Variants in OR1L6 observed in about 807,000 individuals in gnomAD.
The protein encoded by OR1L6 is olfactory receptor family 1 subfamily L member 6.
Under a neutral mutation model 3.0 loss-of-function variants are expected in OR1L6, and 2 were observed. That is an observed-to-expected ratio of 0.68 (90% CI 0.28 to 2.13). The LOEUF (loss-of-function observed/expected upper bound fraction) is 2.13. Ranked by LOEUF, OR1L6 falls within the 30% of genes most tolerant of loss-of-function variation. OR1L6 has a pLI of 0.14. For synonymous variants in OR1L6, 121 were observed against 148.4 expected (o/e 0.82, Z 1.34); for missense variants, 304 against 378.4 (o/e 0.80, Z 1.63).
chr9:122,750,213 C>G lies in OR1L6; in HGVS notation c.366C>G (p.Asp122Glu), dbSNP rs758294976. Residue 122 changes from aspartate to glutamate, a missense_variant, in exon 2 of 2, where the codon GAC (aspartate) becomes GAG (glutamate). Asp to Glu is a conservative substitution (Grantham distance 45). Transcript: ENST00000304720. ...DSYLLASMAIDRLVAICNPLH... is the reference protein window; with the variant it reads ...DSYLLASMAIERLVAICNPLH... ...ACCTGCTGGCCTCTATGGCCATCGA[C>G]CGGCTGGTGGCCATCTGCAACCCCT... 3 of 1,614,070 alleles carry G rather than the reference C, an allele frequency of 1.9e-6. No homozygotes were observed. Among genetic ancestry groups the G allele is most frequent in the Non-Finnish European group, 2.5e-6 (3 of 1,179,980 alleles).
At chr9:122,743,757 GAGA>G (rs1295205603) in intron 1 of OR1L6, among the ~76,000 whole-genome samples, 2 of 152,200 alleles carry the variant, frequency 1.3e-5, no homozygotes, top group Non-Finnish European at 1.5e-5. Flanking sequence ...GCAAGAAACA[GAGA>G]AGAACACATG....
chr9:122,749,722 C>A (rs201338501), intron 1 of OR1L6, 113 bp from the exon 2 acceptor site: 308 of 994,752 alleles, frequency 3.1e-4, no homozygotes, highest in Admixed American at 8.4e-4. Flanking sequence ...AAAAAAAAAA[C>A]AACCGTAACA....
At chr9:122,743,244 T>C (rs967054487) in intron 1 of OR1L6, among the ~76,000 whole-genome samples, 1 of 152,084 alleles carries the variant, frequency 6.6e-6, no homozygotes, top group Non-Finnish European at 1.5e-5. Flanking sequence ...AATCAGTGAT[T>C]CCCAGGAGAA....
At position 122,750,555 on chromosome 9, in the gene OR1L6, G is replaced by A. The variant is rs1217654468; in HGVS notation, c.708G>A (p.Trp236Ter). 1 of 1,611,860 alleles carries A rather than the reference G, an allele frequency of 6.2e-7. No individual in the cohort carries two copies. The highest frequency in any genetic ancestry group is 1.1e-5 in the South Asian group (1 of 90,950). The change falls in exon 2 of 2, where the codon TGG becomes TGA. Residue 236 changes from tryptophan (W) to a stop codon, truncating the protein, a stop_gained. Coordinates refer to ENST00000304720, the MANE Select transcript of OR1L6 (RefSeq NM_001004453.3). LOFTEE classifies it high-confidence loss of function. ...GAATCCCCTCTGCAGCCGGGAAGTG[G>A]AAGGCCTTCTCTACCTGTGGCTCCC... ...VLRIPSAAGKWKAFSTCGSHL... is the reference protein window; with the variant it reads ...VLRIPSAAGK
chr9:122,745,408 C>CTTTTT lies in OR1L6; in HGVS notation c.-14+3049_-14+3053dup, dbSNP rs71892392. The stretch of plus-strand genomic sequence containing the variant: ...ACGAAATGACTATAAATAAACACAC[C>CTTTTT]TTTTTTTTTTTTTTTTTTATTTGAG... On this transcript the variant is annotated intron_variant, in intron 1 of 1. Coordinates refer to ENST00000304720, the MANE Select transcript of OR1L6 (RefSeq NM_001004453.3). Among the ~76,000 whole-genome samples the CTTTTT allele has an allele frequency of 1.9e-3, 163 of 87,700 alleles. 27 individuals are homozygous for CTTTTT. Among genetic ancestry groups the CTTTTT allele is most frequent in the African/African-American group, 2.9e-3 (64 of 21,728 alleles). The allele number at this position is 87,700 out of a possible 152,430, so 57.5% of individuals were successfully genotyped here.
intron 1 of OR1L6, among the ~76,000 whole-genome samples, chr9:122,744,525 G>T (rs1425777303): frequency 6.6e-6 from 1 of 152,170 alleles, no homozygotes; most frequent in Non-Finnish European, 1.5e-5. Context: ...AATAGAGAAA[G>T]TTTAGAAGTA....
chr9:122,750,390 C>T lies in OR1L6; in HGVS notation c.543C>T (p.Asp181=). Residue 181 remains aspartate, a synonymous_variant, in exon 2 of 2, where the codon GAC becomes GAT. Coordinates refer to ENST00000304720, the MANE Select transcript of OR1L6 (RefSeq NM_001004453.3). ...ASHIIKHFFC[D]TQPVLKLSCS... Reference sequence around the variant, plus strand: ...ACATCATTAAGCACTTTTTCTGTGACACCCAGCCTGTGCTAAAGCTCTCCT... The same window carrying T: ...ACATCATTAAGCACTTTTTCTGTGATACCCAGCCTGTGCTAAAGCTCTCCT... 6.2e-7 allele frequency: 1 copy of T among 1,612,028 alleles called. No individual in the cohort carries two copies. The highest frequency in any genetic ancestry group is 1.1e-5 in the South Asian group (1 of 90,936).
chr9:122,749,387 C>G (rs1205899205), intron 1 of OR1L6, among the ~76,000 whole-genome samples: 1 of 152,180 alleles, frequency 6.6e-6, no homozygotes, highest in Non-Finnish European at 1.5e-5. Flanking sequence ...GATCCATGAG[C>G]ATGGAATGGA....
intron 1 of OR1L6, among the ~76,000 whole-genome samples, chr9:122,745,458 A>G (rs556237501): frequency 8.3e-4 from 103 of 124,834 alleles, no homozygotes; most frequent in Middle Eastern, 0.013. Context: ...TGTCGCCCAG[A>G]CTGGAGTGCA....
At chr9:122,748,880 T>C (rs982745840) in intron 1 of OR1L6, among the ~76,000 whole-genome samples, 1 of 152,208 alleles carries the variant, frequency 6.6e-6, no homozygotes, top group African/African-American at 2.4e-5. Context: ...GTTCCATCCA[T>C]AGTGCTACAA....
rs1052209354 is a variant in OR1L6 at position 122,746,433 on chromosome 9, G to A, written c.-13-3402G>A. On this transcript the variant is annotated intron_variant, in intron 1 of 1. Coordinates refer to ENST00000304720, the MANE Select transcript of OR1L6 (RefSeq NM_001004453.3). Reference sequence around the variant, plus strand: ...CTTATTTCTTTAGAGACTGCATGACGTTGAGTAATAAAAATATACTATAAA... The same window carrying A: ...CTTATTTCTTTAGAGACTGCATGACATTGAGTAATAAAAATATACTATAAA... Among the ~76,000 whole-genome samples, 4 of 152,076 alleles carry A rather than the reference G, an allele frequency of 2.6e-5. No individual in the cohort carries two copies. The East Asian group carries it at 5.8e-4, about 22-fold the overall frequency.
chr9:122,742,963 G>A (rs925935652), intron 1 of OR1L6, among the ~76,000 whole-genome samples: 4 of 152,176 alleles, frequency 2.6e-5, no homozygotes, highest in African/African-American at 7.2e-5. Context: ...CTAGAATCAC[G>A]GAAATTGAAC....
chr9:122,748,947 G>A (rs1828862176), intron 1 of OR1L6, among the ~76,000 whole-genome samples: 2 of 152,154 alleles, frequency 1.3e-5, no homozygotes, highest in African/African-American at 4.8e-5. Flanking sequence ...GTGTGTGTGT[G>A]TGTGTACACG....
chr9:122,750,316 T>A lies in OR1L6; in HGVS notation c.469T>A (p.Ser157Thr). 1 of 1,613,802 alleles carries A rather than the reference T, an allele frequency of 6.2e-7. No individual in the cohort carries two copies. Among genetic ancestry groups the A allele is most frequent in the Admixed American group, 1.7e-5 (1 of 59,966 alleles). Residue 157 changes from serine (S) to threonine (T), a missense_variant, in exon 2 of 2, where the codon TCC (serine) becomes ACC (threonine). Coordinates refer to ENST00000304720, the MANE Select transcript of OR1L6 (RefSeq NM_001004453.3). ...TTCTTGCAGCATCTCCCACCTACAT[T>A]CCCTGTTCCGCGTGCTACTTATGTC... ...LGSCSISHLHSLFRVLLMSRL... is the reference protein window; with the variant it reads ...LGSCSISHLHTLFRVLLMSRL...
chr9:122,744,229 G>A (rs1828813471), intron 1 of OR1L6, among the ~76,000 whole-genome samples: 2 of 152,202 alleles, frequency 1.3e-5, no homozygotes, highest in African/African-American at 4.8e-5. Flanking sequence ...GGGAGTAGGT[G>A]CATGGATAAC....
intron 1 of OR1L6, among the ~76,000 whole-genome samples, chr9:122,748,363 T>G (rs1484338880): frequency 3.3e-5 from 5 of 151,696 alleles, no homozygotes. Flanking sequence ...GAAAGTATCC[T>G]CATTCAAGGT....
intron 1 of OR1L6, among the ~76,000 whole-genome samples, chr9:122,746,860 A>G (rs1276620848): frequency 6.6e-6 from 1 of 152,164 alleles, no homozygotes; most frequent in African/African-American, 2.4e-5. Context: ...CTGTGTTGCA[A>G]ATATTTTCAT....
rs367965233 is a variant in OR1L6, at chr9:122,750,020, C to G, written c.173C>G (p.Thr58Ser). The change falls in exon 2 of 2, where the codon ACC (threonine) becomes AGC (serine). Residue 58 changes from threonine to serine, a missense_variant. Thr to Ser is a moderately conservative substitution (Grantham distance 58, BLOSUM62 1). Coordinates refer to ENST00000304720, the MANE Select transcript of OR1L6 (RefSeq NM_001004453.3). ...ATCTACTCTGACCCCAGGCTCCACA[C>G]CCCTATGTACTTTTTTCTCAGCAAC... ...PAIYSDPRLHTPMYFFLSNLS... is the reference protein window; with the variant it reads ...PAIYSDPRLHSPMYFFLSNLS... 1 of 1,614,160 alleles carries G rather than the reference C, an allele frequency of 6.2e-7. No individual in the cohort carries two copies. The highest frequency in any genetic ancestry group is 1.1e-5 in the South Asian group (1 of 91,084).
chr9:122,749,992 G>A lies in OR1L6; in HGVS notation c.145G>A (p.Ala49Thr). 1.9e-6 allele frequency: 3 copies of A among 1,614,070 alleles called. No homozygotes were observed. Among genetic ancestry groups the A allele is most frequent in the Non-Finnish European group, 2.5e-6 (3 of 1,180,018 alleles). ...GGTGGGGAATGTGCTCATCATCCCG[G>A]CCATCTACTCTGACCCCAGGCTCCA... ...AAVGNVLIIPAIYSDPRLHTP... is the reference protein window; with the variant it reads ...AAVGNVLIIPTIYSDPRLHTP... Residue 49 changes from alanine (A) to threonine (T), a missense_variant, in exon 2 of 2, where the codon GCC becomes ACC. Coordinates refer to ENST00000304720, the MANE Select transcript of OR1L6 (RefSeq NM_001004453.3).
Sources: gnomAD v4.1 joint callset for allele counts (sites outside exome capture counted in the v4.1 genomes callset) on GRCh38, gnomAD v4.1.1 for gene constraint, MANE v1.5 for transcripts, NCBI Gene and HGNC (gene_info 2026-07-23, HGNC 2026-07-21) for gene names.